TSC1: variants seen among roughly 807,000 people sequenced by gnomAD.
TSC1 encodes hamartin.
In TSC1, 20 loss-of-function variants were observed where a neutral mutation model predicts 124.3. That is an observed-to-expected ratio of 0.16 (90% CI 0.11 to 0.23). TSC1 has a LOEUF of 0.23. Among genes scored for constraint, TSC1 ranks in the 10% least tolerant of loss-of-function variants. TSC1 has a pLI of 1.00. For missense variants in TSC1, 1,124 were observed against 1,448.5 expected, an observed-to-expected ratio of 0.78 and a Z score of 3.64; for synonymous variants, 493 against 539.1, an observed-to-expected ratio of 0.91 and a Z score of 1.19.
At chr9:132,933,772 T>C (rs1347281346) in intron 2 of TSC1, among the ~76,000 whole-genome samples, 1 of 152,236 alleles carries the variant, frequency 6.6e-6, no homozygotes, top group Non-Finnish European at 1.5e-5. Context: ...ATTACTATCG[T>C]GAAAAATGTT....
At chr9:132,900,529 A>G in intron 20 of TSC1, 186 bp downstream of exon 20, 1 of 894,538 alleles carries the variant, frequency 1.1e-6, no homozygotes, top group South Asian at 1.4e-5. Context: ...AAGCAACCCA[A>G]TAGGAGAAAC....
chr9:132,930,909 C>T (rs999776754), intron 2 of TSC1, among the ~76,000 whole-genome samples: 2 of 152,082 alleles, frequency 1.3e-5, no homozygotes, highest in East Asian at 1.9e-4. Flanking sequence ...GTGAGACCAC[C>T]GTTGGTAAGA....
In TSC1 at chr9:132,892,321, G is replaced by C. The variant is rs922441092; in HGVS notation, c.*3914C>G. 2 of 233,204 alleles carry C rather than the reference G, an allele frequency of 8.6e-6. No individual in the cohort carries two copies. Among genetic ancestry groups the C allele is most frequent in the African/African-American group, 4.4e-5 (2 of 45,334 alleles). 14.4% of individuals were successfully genotyped at this position (233,204 alleles called of 1,614,324 possible). On this transcript the variant is annotated 3_prime_UTR_variant, in exon 23 of 23. Transcript: ENST00000298552. ...TTGGGATCTTTGCAGCAATCTGGGG[G>C]GCATGTGTCACAGAACTCTGGATGT... is the stretch of plus-strand genomic sequence containing the variant.
At position 132,944,555 on chromosome 9, in the gene TSC1, C is replaced by T. The variant is rs1219710576; in HGVS notation, c.-156G>A. 4 of 398,816 alleles carry T rather than the reference C, an allele frequency of 1.0e-5. No homozygotes were observed. The highest frequency in any genetic ancestry group is 8.2e-5 in the African/African-American group (4 of 48,776). 24.7% of individuals were successfully genotyped at this position (398,816 alleles called of 1,614,324 possible). On this transcript the variant is annotated 5_prime_UTR_variant, in exon 1 of 23. Transcript: ENST00000298552. ...CCCCCATACTCACCCACCGTCTCCT[C>T]CCCCTCAGCTGTTTACCTCACAGTC... is the stretch of plus-strand genomic sequence containing the variant.
chr9:132,912,941 CTT>C (rs574327483), intron 8 of TSC1: 46 of 155,608 alleles, frequency 3.0e-4, no homozygotes, highest in East Asian at 5.6e-4. Context: ...GAATTTTTTT[CTT>C]TTTTTTTTTT....
intron 8 of TSC1, among the ~76,000 whole-genome samples, chr9:132,917,431 A>G (rs974146211): frequency 6.6e-5 from 10 of 152,062 alleles, no homozygotes; most frequent in African/African-American, 2.4e-4. Context: ...CCTGGGTTCA[A>G]ACGATTCTCC....
chr9:132,926,709 A>C, intron 4 of TSC1: 1 of 168,400 alleles, frequency 5.9e-6, no homozygotes, highest in Admixed American at 5.6e-5. Context: ...AGACAGTTTC[A>C]CTCTTGTTGC....
chr9:132,927,258 T>G lies in TSC1; in HGVS notation c.153A>C (p.Glu51Asp), dbSNP rs118203342. The change falls in exon 4 of 23, where the codon GAA becomes GAC. Residue 51 changes from glutamate to aspartate, a missense_variant. This residue lies in a region of TSC1 where 463 missense variants were observed against 606.8 expected (regional missense o/e 0.76). Transcript: ENST00000298552. The part of the protein sequence containing the change: ...LVNTLVDYYL[E>D]TSSQPALHIL... Reference sequence around the variant, plus strand: ...TGTGCAATGCCGGCTGAGAGCTGGTTTCCAGGTAATAATCCACCAAGGTGT... The same window carrying G: ...TGTGCAATGCCGGCTGAGAGCTGGTGTCCAGGTAATAATCCACCAAGGTGT... 16 of 1,613,956 alleles carry G rather than the reference T, an allele frequency of 9.9e-6. No homozygotes were observed. The highest frequency in any genetic ancestry group is 1.4e-5 in the Non-Finnish European group (16 of 1,179,968).
At chr9:132,944,974 G>C (rs964288611), upstream of TSC1, 1 of 193,006 alleles carries the variant, frequency 5.2e-6, no homozygotes, top group South Asian at 1.9e-4. Context: ...GCGGGGGGAC[G>C]CGGCGGAGAG....
intron 2 of TSC1, among the ~76,000 whole-genome samples, chr9:132,929,355 TC>T (rs202113173): frequency 0.022 from 3,281 of 152,326 alleles, 100 homozygotes; most frequent in Non-Finnish European, 0.026. Context: ...ACATACTATT[TC>T]CTTCTTGACA....
In TSC1 at chr9:132,900,766, G is replaced by T. The variant is rs1588297282; in HGVS notation, c.2574C>A (p.Val858=). ...LNRQLLVLGE[V]NELYLEQLQN... The stretch of plus-strand genomic sequence containing the variant: ...GCAGTTGTTCCAAATAGAGCTCGTT[G>T]ACCTCCCCAAGAACCAACAGCTGCC... Residue 858 remains valine, a synonymous_variant, in exon 20 of 23, where the codon GTC becomes GTA. Transcript: ENST00000298552. 1 of 1,614,110 alleles carries T rather than the reference G, an allele frequency of 6.2e-7. No individual in the cohort carries two copies.
intron 11 of TSC1, 41 bp from the exon 12 acceptor site, chr9:132,910,733 A>G (rs201674473): frequency 2.1e-5 from 34 of 1,611,940 alleles, no homozygotes; most frequent in Non-Finnish European, 2.9e-5. Flanking sequence ...ACTGAGCCCA[A>G]CTATTAGAAA....
At chr9:132,916,141 A>G (rs185058399) in intron 8 of TSC1, among the ~76,000 whole-genome samples, 70 of 152,230 alleles carry the variant, frequency 4.6e-4, no homozygotes, top group African/African-American at 1.5e-3. Flanking sequence ...ACTGGGAACC[A>G]TCGTCTAATC....
At chr9:132,920,312 T>C (rs1846480523) in intron 8 of TSC1, among the ~76,000 whole-genome samples, 1 of 152,142 alleles carries the variant, frequency 6.6e-6, no homozygotes, top group Admixed American at 6.5e-5. Context: ...AACAAAGCAA[T>C]ACCTACAGTA....
rs760638759 is a variant in TSC1, at chr9:132,911,029, G to C, written c.1114C>G (p.Pro372Ala). 24 of 1,614,026 alleles carry C rather than the reference G, an allele frequency of 1.5e-5. No individual in the cohort carries two copies. The highest frequency in any genetic ancestry group is 1.6e-4 in the Middle Eastern group (1 of 6,084). The change falls in exon 11 of 23, where the codon CCT becomes GCT. Residue 372 changes from proline to alanine, a missense_variant. Pro to Ala is a conservative substitution (Grantham distance 27). This residue lies in a region of TSC1 where 463 missense variants were observed against 606.8 expected (regional missense o/e 0.76). Coordinates refer to ENST00000298552, the MANE Select transcript of TSC1 (RefSeq NM_000368.5). The stretch of plus-strand genomic sequence containing the variant: ...GTTGTACCAAAGACTTTACTGTAAG[G>C]GTGTGACAGATCAGGTGGGACATTT... ...PGNVPPDLSHPYSKVFGTTAG... is the reference protein window; with the variant it reads ...PGNVPPDLSHAYSKVFGTTAG...
At chr9:132,939,009 A>G (rs1387883219) in intron 1 of TSC1, 3 of 152,236 alleles carry the variant, frequency 2.0e-5, no homozygotes, top group Non-Finnish European at 2.9e-5. Flanking sequence ...TCTCTTCACT[A>G]TAACTTGTTT....
chr9:132,893,988 C>T lies in TSC1; in HGVS notation c.*2247G>A, dbSNP rs188426740. On this transcript the variant is annotated 3_prime_UTR_variant, in exon 23 of 23. Coordinates refer to ENST00000298552, the MANE Select transcript of TSC1 (RefSeq NM_000368.5). The stretch of plus-strand genomic sequence containing the variant: ...ACATTTTTAGGTTGGGCACCTTCAA[C>T]ATGACTCCAGGTCTCATTCTCCCAA... 3.9e-4 allele frequency: 91 copies of T among 233,504 alleles called. No homozygotes were observed. Among genetic ancestry groups the T allele is most frequent in the Non-Finnish European group, 3.1e-4 (36 of 118,022 alleles). The allele number at this position is 233,504 out of a possible 1,614,324, so 14.5% of individuals were successfully genotyped here. A position where few individuals can be genotyped will look rare whatever the true frequency, so the allele number is the denominator to read the frequency against.
Position 132,902,810 on chromosome 9 carries a change from T to C in TSC1, c.2209-23A>G. 1.2e-6 allele frequency: 2 copies of C among 1,612,466 alleles called. No homozygotes were observed. Among genetic ancestry groups the C allele is most frequent in the Non-Finnish European group, 1.7e-6 (2 of 1,179,868 alleles). ...TTTCTAGCAGAGACCAGAAATGTCA[T>C]CATTTTAGCTGTCTTCCAACACAGG... is the stretch of plus-strand genomic sequence containing the variant. On this transcript the variant is annotated intron_variant, in intron 17 of 22. Transcript: ENST00000298552. The surrounding 1 kb of genome is among the most constrained non-coding windows in gnomAD (Gnocchi z 5.2).
At chr9:132,911,713 G>C (rs1034658313) in intron 9 of TSC1, 145 bp from the exon 10 acceptor site, 5 of 611,856 alleles carry the variant, frequency 8.2e-6, no homozygotes, top group African/African-American at 5.6e-5. Context: ...AAAATCTGAG[G>C]GACTTAACTG....
Sources: allele counts gnomAD v4.1 joint callset (sites outside exome capture counted in the v4.1 genomes callset), GRCh38; gene constraint gnomAD v4.1.1; regional missense constraint gnomAD v4.1.1; non-coding constraint Gnocchi (gnomAD v3.1); transcripts MANE v1.5; gene names NCBI Gene and HGNC (gene_info 2026-07-23, HGNC 2026-07-21).